DTNA: variants seen among roughly 807,000 people sequenced by gnomAD.
DTNA encodes dystrobrevin alpha.
Under a neutral mutation model 100.7 loss-of-function variants are expected in DTNA, and 43 were observed. The ratio of observed to expected loss-of-function variants is 0.43; its 90% CI spans 0.33 to 0.55. The LOEUF (loss-of-function observed/expected upper bound fraction) is 0.55, where lower values mean the gene tolerates loss of function less well. Ranked by LOEUF, DTNA falls within the 20% of genes least tolerant of loss-of-function variation. DTNA has a pLI of 0.04. For missense variants in DTNA, 798 were observed against 953.9 expected (o/e 0.84, Z 2.15); for synonymous variants, 349 against 347.9 (o/e 1.00, Z -0.04).
intron 1 of DTNA, among the ~76,000 whole-genome samples, chr18:34,716,446 C>T (rs574984316): frequency 1.1e-4 from 16 of 152,186 alleles, no homozygotes; most frequent in African/African-American, 3.9e-4. Flanking sequence ...GCCTGTAATC[C>T]CAGCTACTTG....
At position 34,589,933 on chromosome 18, in the gene DTNA, GC is replaced by G. The variant is rs1172211591; in HGVS notation, c.-2+96420del. 2.6e-3 allele frequency among the ~76,000 whole-genome samples: 323 copies of G among 123,836 alleles called. 1 individual carries two copies. Among genetic ancestry groups the G allele is most frequent in the African/African-American group, 0.011 (306 of 26,820 alleles). 81.2% of individuals were successfully genotyped at this position (123,836 alleles called of 152,430 possible). A position where few individuals can be genotyped will look rare whatever the true frequency, so the allele number is the denominator to read the frequency against. ...AAGTTTATCCATGTTATGGCAAATGGCAGGATCTCTTTTTTGGGGGCTGGAT... is the reference window on the plus strand; with the variant it reads ...AAGTTTATCCATGTTATGGCAAATGGAGGATCTCTTTTTTGGGGGCTGGAT... On this transcript the variant is annotated intron_variant, in intron 1 of 19. Transcript: ENST00000283365.
chr18:34,672,778 C>A (rs2076927807), intron 1 of DTNA, among the ~76,000 whole-genome samples: 1 of 152,138 alleles, frequency 6.6e-6, no homozygotes, highest in Non-Finnish European at 1.5e-5. Context: ...AGTTCTTCAA[C>A]TACTTCCTTA....
At chr18:34,736,246 TCA>T (rs1434590340) in intron 1 of DTNA, among the ~76,000 whole-genome samples, 1 of 152,230 alleles carries the variant, frequency 6.6e-6, no homozygotes, top group Non-Finnish European at 1.5e-5. Flanking sequence ...TAATGAGTAC[TCA>T]CACACTACAC....
chr18:34,627,278 A>G (rs1019142454), intron 1 of DTNA, among the ~76,000 whole-genome samples: 3 of 152,164 alleles, frequency 2.0e-5, no homozygotes, highest in African/African-American at 7.2e-5. Context: ...CTTGAAGCCA[A>G]GAATATCTGT....
chr18:34,799,986 G>A (rs2095144189), intron 4 of DTNA, among the ~76,000 whole-genome samples: 1 of 152,100 alleles, frequency 6.6e-6, no homozygotes. Flanking sequence ...TCCAAATAAA[G>A]GGTTTCTGTC....
chr18:34,742,644 A>AGATAGATAGATAATCTATTATCTATCTG (rs2090893881), intron 1 of DTNA, among the ~76,000 whole-genome samples: 1 of 152,150 alleles, frequency 6.6e-6, no homozygotes, highest in African/African-American at 2.4e-5. Flanking sequence ...TTATCTATCT[A>AGATAGATAGATAATCTATTATCTATCTG]GATAGATAGA....
At chr18:34,839,903 G>A (rs1188499813) in intron 13 of DTNA, among the ~76,000 whole-genome samples, 1 of 152,108 alleles carries the variant, frequency 6.6e-6, no homozygotes, top group Non-Finnish European at 1.5e-5. Context: ...ATTTCACCAA[G>A]GCATTCCTCA....
intron 9 of DTNA, among the ~76,000 whole-genome samples, chr18:34,826,723 C>CG (rs2095866722): frequency 6.6e-6 from 1 of 152,126 alleles, no homozygotes; most frequent in African/African-American, 2.4e-5. Flanking sequence ...CTTTTGAACT[C>CG]TAAGTCCCAT....
chr18:34,640,377 CT>C (rs1297517651), intron 1 of DTNA, among the ~76,000 whole-genome samples: 1 of 152,136 alleles, frequency 6.6e-6, no homozygotes, highest in Admixed American at 6.5e-5. Context: ...GACAATTGTC[CT>C]TCTGGCTTTA....
intron 1 of DTNA, among the ~76,000 whole-genome samples, chr18:34,690,203 C>A (rs1049706429): frequency 5.9e-5 from 9 of 152,180 alleles, no homozygotes; most frequent in African/African-American, 2.2e-4. Flanking sequence ...AAAAAGAAAA[C>A]TCCTGCAGCT....
chr18:34,883,137 T>C (rs1454025956), intron 21 of DTNA, among the ~76,000 whole-genome samples: 11 of 152,172 alleles, frequency 7.2e-5, no homozygotes, highest in Non-Finnish European at 1.0e-4. Flanking sequence ...ACTACCTTGT[T>C]TGTCTTCCTG....
At chr18:34,623,422 TGTATA>T (rs2056844158) in intron 1 of DTNA, among the ~76,000 whole-genome samples, 1 of 152,232 alleles carries the variant, frequency 6.6e-6, no homozygotes, top group African/African-American at 2.4e-5. Context: ...TCTAATAAAA[TGTATA>T]GTACAAAAAT....
chr18:34,602,981 C>T (rs1349554637), intron 1 of DTNA, among the ~76,000 whole-genome samples: 1 of 150,118 alleles, frequency 6.7e-6, no homozygotes, highest in Non-Finnish European at 1.5e-5. Context: ...CCAGCCCGGG[C>T]GACAGTGTGA....
chr18:34,619,364 C>A (rs570472050), intron 1 of DTNA, among the ~76,000 whole-genome samples: 1 of 152,178 alleles, frequency 6.6e-6, no homozygotes, highest in Admixed American at 6.5e-5. Context: ...ACTGTTGCCA[C>A]AGTCTGAAAG....
At chr18:34,555,479 TTTGGATC>T in intron 1 of DTNA, among the ~76,000 whole-genome samples, 1 of 152,132 alleles carries the variant, frequency 6.6e-6, no homozygotes, top group Admixed American at 6.5e-5. Context: ...GGGTGTCAAT[TTTGGATC>T]TTTCCTGCTT....
chr18:34,658,272 A>G (rs564375571), intron 1 of DTNA, among the ~76,000 whole-genome samples: 1 of 152,324 alleles, frequency 6.6e-6, no homozygotes, highest in African/African-American at 2.4e-5. Context: ...CAGTCAGGCA[A>G]ATCTAGAAAT....
intron 3 of DTNA, among the ~76,000 whole-genome samples, chr18:34,788,926 G>A (rs776222445): frequency 7.2e-5 from 11 of 152,072 alleles, no homozygotes; most frequent in Non-Finnish European, 1.5e-4. Flanking sequence ...ATCACAAATA[G>A]CTCATTTCTT....
chr18:34,577,780 G>A (rs1313213745), intron 1 of DTNA, among the ~76,000 whole-genome samples: 1 of 151,880 alleles, frequency 6.6e-6, no homozygotes. Context: ...TCCTTTTTAA[G>A]GCTGAGTAGT....
Position 34,669,671 on chromosome 18 carries a change from C to T in DTNA, c.-1-86305C>T, listed in dbSNP as rs540112392. Among the ~76,000 whole-genome samples, 4 of 152,256 alleles carry T rather than the reference C, an allele frequency of 2.6e-5. No homozygotes were observed. The East Asian group carries it at 7.7e-4, about 29-fold the overall frequency. On this transcript the variant is annotated intron_variant, in intron 1 of 19. Coordinates refer to the DTNA transcript ENST00000283365. ...AGCTTGTCTGTAAAGGATTTTATTT[C>T]CCCTTCACTTATGAAGCTTAGTTTG...
Sources: allele counts gnomAD v4.1 joint callset (sites outside exome capture counted in the v4.1 genomes callset), GRCh38; gene constraint gnomAD v4.1.1; transcripts MANE v1.5; gene names NCBI Gene and HGNC (gene_info 2026-07-23, HGNC 2026-07-21).